ME3: variants seen among roughly 807,000 people sequenced by gnomAD.
ME3 encodes the protein NADP-dependent malic enzyme, mitochondrial.
A neutral mutation model predicts 68.9 loss-of-function variants in ME3; 48 were observed. The observed-to-expected ratio is 0.70, with a 90% CI of 0.55 to 0.89. The LOEUF (loss-of-function observed/expected upper bound fraction) is 0.89. Among genes scored for constraint, ME3 ranks in the 40% least tolerant of loss-of-function variants. The pLI, the probability that ME3 is intolerant of heterozygous loss-of-function variation, is 0.00. For synonymous variants in ME3, 320 were observed against 318.8 expected, an observed-to-expected ratio of 1.00 and a Z score of -0.04; for missense variants, 675 against 797.4, an observed-to-expected ratio of 0.85 and a Z score of 1.85.
chr11:86,536,245 A>G (rs1955649798), intron 4 of ME3, among the ~76,000 whole-genome samples: 1 of 151,946 alleles, frequency 6.6e-6, no homozygotes, highest in African/African-American at 2.4e-5. Context: ...CATGTCCAAA[A>G]CACCAAAAGC....
In ME3 at chr11:86,547,844, G is replaced by A. The variant is rs76048032; in HGVS notation, c.467+8709C>T. Among the ~76,000 whole-genome samples the A allele has an allele frequency of 5.3e-3, 801 of 152,196 alleles. 5 individuals are homozygous for A. Among genetic ancestry groups the A allele is most frequent in the African/African-American group, 0.019 (769 of 41,520 alleles). On this transcript the variant is annotated intron_variant, in intron 4 of 14. Transcript: ENST00000543262. ...AAATTCTCCCCACACCTATCCTTTT[G>A]ATCACCATGGCTGTGATTGCCAGGG...
chr11:86,467,834 C>T (rs1238114340), intron 7 of ME3, among the ~76,000 whole-genome samples: 5 of 151,974 alleles, frequency 3.3e-5, no homozygotes, highest in Admixed American at 6.6e-5. Flanking sequence ...TAAGAAACCC[C>T]CCTCCCTCCC....
chr11:86,457,666 A>G (rs1424269477), intron 8 of ME3: 1 of 1,285,884 alleles, frequency 7.8e-7, no homozygotes, highest in Non-Finnish European at 1.0e-6. Flanking sequence ...GTTTCGAGGT[A>G]ACCACTCTGA....
intron 2 of ME3, among the ~76,000 whole-genome samples, chr11:86,612,872 T>C (rs913414845): frequency 6.6e-6 from 1 of 152,242 alleles, no homozygotes; most frequent in Non-Finnish European, 1.5e-5. Context: ...CTGTTCACTC[T>C]GATGCTAGTT....
At chr11:86,435,667 G>A in the ME3 span, 1 of 152,240 alleles carries the variant, frequency 6.6e-6, no homozygotes, top group Non-Finnish European at 1.5e-5. Context: ...TTCGCATCCA[G>A]AGGATTACTG....
chr11:86,602,816 C>A (rs1214690210), intron 2 of ME3, among the ~76,000 whole-genome samples: 2 of 152,276 alleles, frequency 1.3e-5, no homozygotes, highest in African/African-American at 4.8e-5. Flanking sequence ...ACTATCTGAT[C>A]TTTGACAAAC....
intron 6 of ME3, among the ~76,000 whole-genome samples, chr11:86,490,369 C>T (rs1340294892): frequency 6.6e-6 from 1 of 151,968 alleles, no homozygotes; most frequent in Non-Finnish European, 1.5e-5. Context: ...GGGGTGTGTG[C>T]GTGTGTGTGT....
chr11:86,546,609 C>A (rs561469567), intron 4 of ME3, among the ~76,000 whole-genome samples: 1 of 152,240 alleles, frequency 6.6e-6, no homozygotes, highest in African/African-American at 2.4e-5. Flanking sequence ...ATCAAAAGCA[C>A]AATGAGATAC....
intron 2 of ME3, among the ~76,000 whole-genome samples, chr11:86,612,908 G>C (rs1429233354): frequency 1.3e-5 from 2 of 152,116 alleles, no homozygotes; most frequent in Non-Finnish European, 1.5e-5. Flanking sequence ...AAGCTCTTTA[G>C]TTTAATTAGA....
At chr11:86,497,004 CAG>C (rs1055415373) in intron 6 of ME3, among the ~76,000 whole-genome samples, 69 of 152,204 alleles carry the variant, frequency 4.5e-4, no homozygotes, top group African/African-American at 1.6e-3. Flanking sequence ...TTATTTGAGA[CAG>C]AGTCTTGCTG....
intron 8 of ME3, among the ~76,000 whole-genome samples, chr11:86,459,521 G>A (rs994378528): frequency 1.3e-5 from 2 of 152,178 alleles, no homozygotes; most frequent in African/African-American, 4.8e-5. Flanking sequence ...ATAAACGGGT[G>A]TTGGAAATAC....
At chr11:86,608,650 G>A (rs1942331257) in intron 2 of ME3, among the ~76,000 whole-genome samples, 1 of 152,172 alleles carries the variant, frequency 6.6e-6, no homozygotes, top group African/African-American at 2.4e-5. Flanking sequence ...AATACAAGGA[G>A]TTATCGGTTC....
rs1346258386 is a variant in ME3 at position 86,560,722 on chromosome 11, GTGTA to G, written c.184-903_184-900del. On this transcript the variant is annotated intron_variant, in intron 2 of 14. Coordinates refer to ENST00000543262, the Ensembl canonical transcript of ME3. ...TAATGATATGTGTGTGTGTGTGTGTGTGTATGTGTGTGTGTGTGTGTGTGTGTAT... is the reference window on the plus strand; with the variant it reads ...TAATGATATGTGTGTGTGTGTGTGTGTGTGTGTGTGTGTGTGTGTGTGTAT... Among the ~76,000 whole-genome samples the G allele has an allele frequency of 7.1e-4, 53 of 74,334 alleles. 1 individual carries two copies. The highest frequency in any genetic ancestry group is 0.013 in the Middle Eastern group (2 of 158). The allele number at this position is 74,334 out of a possible 152,430, so 48.8% of individuals were successfully genotyped here.
At chr11:86,576,497 G>T (rs1958124002) in intron 2 of ME3, among the ~76,000 whole-genome samples, 1 of 152,166 alleles carries the variant, frequency 6.6e-6, no homozygotes, top group Non-Finnish European at 1.5e-5. Flanking sequence ...CTCAGAGTGG[G>T]GCTCAGGAGG....
intron 2 of ME3, among the ~76,000 whole-genome samples, chr11:86,658,027 T>C (rs1012686043): frequency 2.6e-5 from 4 of 152,050 alleles, no homozygotes; most frequent in Non-Finnish European, 4.4e-5. Flanking sequence ...AGGGGTACCA[T>C]GAAGAACCTC....
intron 4 of ME3, among the ~76,000 whole-genome samples, chr11:86,513,974 T>C (rs1197262957): frequency 1.3e-5 from 2 of 152,106 alleles, no homozygotes; most frequent in East Asian, 3.9e-4. Flanking sequence ...TCATCTTGAA[T>C]TGTAATCCCC....
Position 86,508,471 on chromosome 11 carries a change from AGGGTCTAT to A in ME3, c.543+313_543+320del, listed in dbSNP as rs529893875. On this transcript the variant is annotated intron_variant, in intron 5 of 14. Transcript: ENST00000543262. ...TATAACATGTCAGCTACTCGAGAAG[AGGGTCTAT>A]GCCTGATTTCTCTCTGCGTCTACCA... Among the ~76,000 whole-genome samples the A allele has an allele frequency of 2.0e-5, 3 of 152,322 alleles. No homozygotes were observed. The East Asian group carries it at 5.8e-4, about 29-fold the overall frequency.
chr11:86,579,383 A>G (rs1958302780), intron 2 of ME3, among the ~76,000 whole-genome samples: 1 of 152,118 alleles, frequency 6.6e-6, no homozygotes, highest in Non-Finnish European at 1.5e-5. Flanking sequence ...TCCTGGCTTC[A>G]AATAATGTCT....
At chr11:86,444,845 CT>C (rs1949193067) in intron 13 of ME3, among the ~76,000 whole-genome samples, 1 of 152,184 alleles carries the variant, frequency 6.6e-6, no homozygotes, top group Admixed American at 6.5e-5. Context: ...AGAAATATAA[CT>C]TGCCAGGCCT....
Sources: allele counts gnomAD v4.1 joint callset (sites outside exome capture counted in the v4.1 genomes callset), GRCh38; gene constraint gnomAD v4.1.1; transcripts MANE v1.5; gene names NCBI Gene and HGNC (gene_info 2026-07-23, HGNC 2026-07-21).